Variants in SLC41A2 observed in about 807,000 individuals in gnomAD.
The protein encoded by SLC41A2 is SLC41A1-like 1.
SLC41A2 carries 32 observed loss-of-function variants against 58.3 expected under a neutral mutation model. That is an observed-to-expected ratio of 0.55 (90% confidence interval 0.41 to 0.74). The LOEUF is 0.74. Among genes scored for constraint, SLC41A2 ranks in the 30% least tolerant of loss-of-function variants. SLC41A2 has a pLI of 0.00. For missense variants in SLC41A2, 514 were observed against 680.6 expected, an observed-to-expected ratio of 0.76 and a Z score of 2.72; for synonymous variants, 190 against 235.0, an observed-to-expected ratio of 0.81 and a Z score of 1.75.
At chr12:104,812,502 A>G (rs1336044769) in intron 10 of SLC41A2, among the ~76,000 whole-genome samples, 3 of 152,114 alleles carry the variant, frequency 2.0e-5, no homozygotes, top group Non-Finnish European at 4.4e-5. Flanking sequence ...TGCCCAATTT[A>G]TCAGTCAAGT....
At position 104,875,614 on chromosome 12, in the gene SLC41A2, A is replaced by G. The variant is rs181582301; in HGVS notation, c.1028-9035T>C. On this transcript the variant is annotated intron_variant, in intron 6 of 10. Transcript: ENST00000258538. ...TGACACCAGACTAGACAACATAGTG[A>G]GACCCTGTCTCCAACAAAATATTTA... Among the ~76,000 whole-genome samples, 167 of 152,254 alleles carry G rather than the reference A, an allele frequency of 1.1e-3. 1 individual carries two copies. The highest frequency in any genetic ancestry group is 1.3e-3 in the Non-Finnish European group (86 of 68,014).
At chr12:104,923,701 A>G (rs73383435) in intron 2 of SLC41A2, among the ~76,000 whole-genome samples, 4,874 of 152,258 alleles carry the variant, frequency 0.032, 148 homozygotes, top group East Asian at 0.15. Context: ...CTATACACGA[A>G]CAAATTGGAA....
chr12:104,847,582 C>T (rs1481598201), intron 8 of SLC41A2, among the ~76,000 whole-genome samples: 4 of 131,170 alleles, frequency 3.0e-5, no homozygotes, highest in South Asian at 2.3e-4. Flanking sequence ...TCCAGCCTGA[C>T]GACAGAGTGA....
intron 2 of SLC41A2, among the ~76,000 whole-genome samples, chr12:104,910,760 C>G (rs2135784608): frequency 6.6e-6 from 1 of 152,300 alleles, no homozygotes; most frequent in South Asian, 2.1e-4. Context: ...TATAGCATCA[C>G]ATGACAGCAG....
chr12:104,812,053 T>C (rs947319997), intron 10 of SLC41A2, among the ~76,000 whole-genome samples: 36 of 152,216 alleles, frequency 2.4e-4, no homozygotes, highest in African/African-American at 8.2e-4. Context: ...TCAGGGATAA[T>C]TGAGAGTCTG....
chr12:104,860,478 T>A (rs534378951), intron 8 of SLC41A2, among the ~76,000 whole-genome samples: 1 of 152,188 alleles, frequency 6.6e-6, no homozygotes, highest in South Asian at 2.1e-4. Context: ...TAAATGTAAT[T>A]CATATATAAA....
chr12:104,836,975 A>G lies in SLC41A2; in HGVS notation c.1536+7497T>C, dbSNP rs376679593. On this transcript the variant is annotated intron_variant, in intron 10 of 10. Transcript: ENST00000258538. ...TACTGTAGGAATGGCAACTCGTAAA[A>G]TCATACATCATGAATGCTGGATGGG... 2.0e-5 allele frequency among the ~76,000 whole-genome samples: 3 copies of G among 152,184 alleles called. No homozygotes were observed. In the South Asian group the frequency reaches 6.2e-4, roughly 32 times the overall value.
intron 1 of SLC41A2, among the ~76,000 whole-genome samples, chr12:104,940,067 G>C (rs1490339640): frequency 6.6e-6 from 1 of 151,764 alleles, no homozygotes; most frequent in East Asian, 1.9e-4. Context: ...AGGCTGGAGT[G>C]CAACGGCGTG....
chr12:104,849,881 A>C (rs1252179757), intron 8 of SLC41A2, among the ~76,000 whole-genome samples: 2 of 152,210 alleles, frequency 1.3e-5, no homozygotes, highest in African/African-American at 4.8e-5. Flanking sequence ...CATACTCTAC[A>C]ATCTAGCAAT....
intron 6 of SLC41A2, among the ~76,000 whole-genome samples, chr12:104,883,010 G>C (rs1052286816): frequency 6.6e-6 from 1 of 152,120 alleles, no homozygotes; most frequent in African/African-American, 2.4e-5. Flanking sequence ...TGGAGGCTTT[G>C]TTCATTTCTT....
rs111433334 is a variant in SLC41A2, at chr12:104,906,692, C to T, written c.663+2963G>A. ...ATATAGGTCTCCATTTGTATTGCTA[C>T]CCCAAGCCTAGCTGTTAAATGCTTA... On this transcript the variant is annotated intron_variant, in intron 3 of 10. Coordinates refer to ENST00000258538, the MANE Select transcript of SLC41A2 (RefSeq NM_001352171.3). 3.4e-3 allele frequency among the ~76,000 whole-genome samples: 518 copies of T among 152,232 alleles called. 2 individuals are homozygous for T. The highest frequency in any genetic ancestry group is 0.012 in the African/African-American group (481 of 41,524).
intron 2 of SLC41A2, among the ~76,000 whole-genome samples, chr12:104,921,771 C>T (rs1020599712): frequency 6.6e-6 from 1 of 152,116 alleles, no homozygotes; most frequent in Non-Finnish European, 1.5e-5. Context: ...TAGTATGAAG[C>T]CTAAAACACA....
chr12:104,930,027 C>T (rs1451942561), intron 1 of SLC41A2, among the ~76,000 whole-genome samples: 1 of 152,218 alleles, frequency 6.6e-6, no homozygotes, highest in Non-Finnish European at 1.5e-5. Context: ...CCTTTCCTCT[C>T]TCTTGTGATT....
Position 104,834,457 on chromosome 12 carries a change from C to G in SLC41A2, c.1536+10015G>C, listed in dbSNP as rs142835360. ...CTTTATCATTCTCTTTATACTTCTC[C>G]TTCAACCCAAGCTGACAGACAGAGA... On this transcript the variant is annotated intron_variant, in intron 10 of 10. Coordinates refer to ENST00000258538, the MANE Select transcript of SLC41A2 (RefSeq NM_001352171.3). Among the ~76,000 whole-genome samples, 737 of 152,178 alleles carry G rather than the reference C, an allele frequency of 4.8e-3. 7 individuals carry two copies. Among genetic ancestry groups the G allele is most frequent in the African/African-American group, 0.017 (695 of 41,524 alleles).
chr12:104,808,802 G>GT (rs2041043858), intron 10 of SLC41A2, among the ~76,000 whole-genome samples: 1 of 152,174 alleles, frequency 6.6e-6, no homozygotes, highest in South Asian at 2.1e-4. Context: ...CTGGGAGGGT[G>GT]TATGTGTCAA....
chr12:104,924,744 C>CA (rs529908518), intron 2 of SLC41A2, among the ~76,000 whole-genome samples: 8,069 of 136,614 alleles, frequency 0.059, 292 homozygotes, highest in East Asian at 0.12. Flanking sequence ...AACTCTGTCT[C>CA]AAAAAAAAAA....
chr12:104,892,301 AAAAATAAAATAAAAT>A (rs372175701), intron 4 of SLC41A2, among the ~76,000 whole-genome samples: 17 of 140,682 alleles, frequency 1.2e-4, no homozygotes, highest in South Asian at 2.2e-4. Context: ...ATCTCAAAAA[AAAAATAAAATAAAAT>A]AAAATAAAAT....
In SLC41A2 at chr12:104,805,222, G is replaced by A; in HGVS notation, c.1652C>T (p.Thr551Ile). ...ATGAAAACTTAAGGCTAACAGAGCT[G>A]TCCCGAGCAGATCACCCAATGCTGT... ...YLTALGDLLG[T>I]ALLALSFHFL... The change falls in exon 11 of 11, where the codon ACA (threonine) becomes ATA (isoleucine). Residue 551 changes from threonine (T) to isoleucine (I), a missense_variant. Physicochemically the swap from Thr to Ile is moderately conservative, Grantham distance 89. Coordinates refer to ENST00000258538, the MANE Select transcript of SLC41A2 (RefSeq NM_001352171.3). 6.2e-7 allele frequency: 1 copy of A among 1,613,944 alleles called. No individual in the cohort carries two copies. The highest frequency in any genetic ancestry group is 1.1e-5 in the South Asian group (1 of 91,080).
At chr12:104,864,341 C>A (rs1482349490) in intron 7 of SLC41A2, among the ~76,000 whole-genome samples, 1 of 152,152 alleles carries the variant, frequency 6.6e-6, no homozygotes, top group African/African-American at 2.4e-5. Context: ...TTAGTCTTCT[C>A]TTACACGTGG....
Sources: allele counts gnomAD v4.1 joint callset (sites outside exome capture counted in the v4.1 genomes callset), GRCh38; gene constraint gnomAD v4.1.1; transcripts MANE v1.5; gene names NCBI Gene and HGNC (gene_info 2026-07-23, HGNC 2026-07-21).